The following SMIM36 variants were observed in gnomAD, a reference collection of about 807,000 sequenced individuals.
The protein encoded by SMIM36 is small integral membrane protein 36.
intron 1 of SMIM36, among the ~76,000 whole-genome samples, chr17:55,495,821 T>C (rs1199085747): frequency 6.6e-6 from 1 of 151,990 alleles, no homozygotes; most frequent in Non-Finnish European, 1.5e-5. Context: ...AAAAGACCAA[T>C]AATGGGTAAA....
chr17:55,501,737 G>A (rs545262300), intron 1 of SMIM36, among the ~76,000 whole-genome samples: 1 of 151,240 alleles, frequency 6.6e-6, no homozygotes. Flanking sequence ...CAAGATGGCC[G>A]AATAGGAACA....
chr17:55,476,959 CTAA>C (rs1396329323), intron 3 of SMIM36: 1 of 152,188 alleles, frequency 6.6e-6, no homozygotes, highest in Non-Finnish European at 1.5e-5. Flanking sequence ...GGGAGGCATT[CTAA>C]TAATAATCTC....
chr17:55,513,864 C>T (rs1342898903), upstream of SMIM36, among the ~76,000 whole-genome samples: 1 of 152,160 alleles, frequency 6.6e-6, no homozygotes, highest in Non-Finnish European at 1.5e-5. Context: ...AATCATTAAT[C>T]ATGGTGAGTG....
At chr17:55,458,723 GAGTCTGGCCAGGGC>G (rs1207506471) in intron 4 of SMIM36, among the ~76,000 whole-genome samples, 11 of 152,222 alleles carry the variant, frequency 7.2e-5, no homozygotes, top group South Asian at 6.2e-4. Flanking sequence ...GCAGGCAGTG[GAGTCTGGCCAGGGC>G]AGTCTGGCCA....
At chr17:55,528,566 T>C in the SMIM36 span, among the ~76,000 whole-genome samples, 1 of 151,496 alleles carries the variant, frequency 6.6e-6, no homozygotes, top group Non-Finnish European at 1.5e-5. Context: ...TTTTTTTTTT[T>C]TTTGAGTTGG....
chr17:55,482,913 C>A (rs1177547755), intron 1 of SMIM36, among the ~76,000 whole-genome samples: 4 of 152,222 alleles, frequency 2.6e-5, no homozygotes, highest in South Asian at 4.1e-4. Context: ...TGCAGCATTA[C>A]ACTTACGACT....
At chr17:55,451,760 C>A (rs184071662) in intron 4 of SMIM36, among the ~76,000 whole-genome samples, 78 of 152,172 alleles carry the variant, frequency 5.1e-4, no homozygotes, top group Non-Finnish European at 9.1e-4. Context: ...TCTTTCTTTC[C>A]TCCTGAACAA....
chr17:55,479,605 T>C (rs1358986322), intron 1 of SMIM36, 25 bp from the exon 2 acceptor site: 1 of 152,162 alleles, frequency 6.6e-6, no homozygotes, highest in South Asian at 2.1e-4. Flanking sequence ...AAATAAAAAA[T>C]AAACAAATAA....
the SMIM36 span, among the ~76,000 whole-genome samples, chr17:55,523,066 T>A: frequency 6.6e-6 from 1 of 152,176 alleles, no homozygotes; most frequent in Non-Finnish European, 1.5e-5. Context: ...TGGGCTGAAT[T>A]GTGATTTCCA....
At chr17:55,488,496 T>C (rs896034978) in intron 1 of SMIM36, among the ~76,000 whole-genome samples, 2 of 152,210 alleles carry the variant, frequency 1.3e-5, no homozygotes, top group Non-Finnish European at 2.9e-5. Context: ...AGCATACATA[T>C]GTACATTATA....
chr17:55,491,232 ACT>A (rs1390252837), intron 1 of SMIM36, among the ~76,000 whole-genome samples: 2 of 134,548 alleles, frequency 1.5e-5, no homozygotes, highest in African/African-American at 3.0e-5. Flanking sequence ...ACAGAGCAAG[ACT>A]CTGTCTCCTC....
At chr17:55,510,347 A>C (rs576215707) in intron 1 of SMIM36, among the ~76,000 whole-genome samples, 1 of 152,284 alleles carries the variant, frequency 6.6e-6, no homozygotes, top group African/African-American at 2.4e-5. Flanking sequence ...GCTCACATCT[A>C]TAATCCCAGC....
At chr17:55,501,859 C>T (rs1909989863) in intron 1 of SMIM36, among the ~76,000 whole-genome samples, 1 of 141,698 alleles carries the variant, frequency 7.1e-6, no homozygotes, top group African/African-American at 2.7e-5. Flanking sequence ...TGGGCGCAGG[C>T]CAGTGGGTGC....
At chr17:55,466,493 A>G (rs1909241825) in intron 4 of SMIM36, among the ~76,000 whole-genome samples, 1 of 152,114 alleles carries the variant, frequency 6.6e-6, no homozygotes, top group South Asian at 2.1e-4. Context: ...ACAAATAATC[A>G]CATTCTGAAA....
chr17:55,495,975 G>T (rs1241155610), intron 1 of SMIM36, among the ~76,000 whole-genome samples: 2 of 152,090 alleles, frequency 1.3e-5, no homozygotes, highest in Non-Finnish European at 2.9e-5. Context: ...GGATCTTCTG[G>T]TTTTCCTTCT....
chr17:55,485,445 C>A (rs979385429), intron 1 of SMIM36, among the ~76,000 whole-genome samples: 1 of 128,342 alleles, frequency 7.8e-6, no homozygotes, highest in South Asian at 2.4e-4. Context: ...TCCACCATAC[C>A]CTGCTGATTT....
At chr17:55,454,224 G>A (rs894028876) in intron 4 of SMIM36, 18 of 152,172 alleles carry the variant, frequency 1.2e-4, no homozygotes, top group African/African-American at 3.9e-4. Flanking sequence ...AGGAGGAAAT[G>A]TTAAGAGATA....
the SMIM36 span, among the ~76,000 whole-genome samples, chr17:55,524,260 T>C: frequency 1.3e-5 from 2 of 152,220 alleles, no homozygotes; most frequent in South Asian, 4.1e-4. Flanking sequence ...ATCTCATTCT[T>C]TTTTATGGCT....
At chr17:55,457,997 C>T (rs536547417) in intron 4 of SMIM36, among the ~76,000 whole-genome samples, 1 of 152,184 alleles carries the variant, frequency 6.6e-6, no homozygotes, top group Non-Finnish European at 1.5e-5. Context: ...CATTTTCATG[C>T]GAGTATGTGC....
Sources: allele counts gnomAD v4.1 joint callset (sites outside exome capture counted in the v4.1 genomes callset), GRCh38; gene constraint gnomAD v4.1.1; transcripts MANE v1.5; gene names NCBI Gene and HGNC (gene_info 2026-07-23, HGNC 2026-07-21).